Variants in KCNE3 observed in about 807,000 individuals in gnomAD.
The protein encoded by KCNE3 is potassium voltage-gated channel subfamily E regulatory subunit 3, also known as potassium voltage-gated channel subfamily E member 3.
KCNE3 carries 2 observed loss-of-function variants against 4.3 expected under a neutral mutation model. That is an observed-to-expected ratio of 0.47 (90% CI 0.19 to 1.48). KCNE3 has a LOEUF of 1.48. Among genes scored for constraint, KCNE3 ranks in the 40% most tolerant of loss-of-function variants. The pLI, the probability that KCNE3 is intolerant of heterozygous loss-of-function variation, is 0.25. For synonymous variants in KCNE3, 47 were observed against 52.0 expected (o/e 0.90, Z 0.41); for missense variants, 128 against 136.8 (o/e 0.94, Z 0.32).
intron 1 of KCNE3, among the ~76,000 whole-genome samples, chr11:74,464,975 C>A (rs921428796): frequency 1.3e-5 from 2 of 152,232 alleles, no homozygotes; most frequent in Non-Finnish European, 2.9e-5. Context: ...AACTCCAATT[C>A]ATCTCTGCAG....
At chr11:74,457,679 G>C in intron 2 of KCNE3, 76 bp from the exon 3 acceptor site, 3 of 951,110 alleles carry the variant, frequency 3.2e-6, no homozygotes, top group Non-Finnish European at 5.1e-6. Flanking sequence ...TCAGATCCCA[G>C]GTAAAATCTT....
In KCNE3 at chr11:74,455,106, T is replaced by C. The variant is rs1045277981; in HGVS notation, c.*2146A>G. The C allele has an allele frequency of 6.6e-6, 1 of 152,248 alleles. No homozygotes were observed. The highest frequency in any genetic ancestry group is 2.4e-5 in the African/African-American group (1 of 41,478). The allele number at this position is 152,248 out of a possible 1,614,324, so 9.4% of individuals were successfully genotyped here. On this transcript the variant is annotated 3_prime_UTR_variant, in exon 3 of 3. Transcript: ENST00000310128. ...GGCTTTTATTTTTATTTTTTCAAAA[T>C]AGAAGTACCTTTTTTCCTTTTATTA... is the stretch of plus-strand genomic sequence containing the variant.
intron 2 of KCNE3, among the ~76,000 whole-genome samples, chr11:74,460,906 G>A (rs1863937910): frequency 6.6e-6 from 1 of 152,172 alleles, no homozygotes; most frequent in Non-Finnish European, 1.5e-5. Context: ...AAATAGTTTA[G>A]TGTAAGATGC....
intron 1 of KCNE3, chr11:74,464,321 A>G (rs996810492): frequency 6.6e-6 from 1 of 152,180 alleles, no homozygotes; most frequent in African/African-American, 2.4e-5. Context: ...GAGCGTCTTC[A>G]GTGTCTGGAA....
At chr11:74,465,482 C>T (rs1864041248) in intron 1 of KCNE3, among the ~76,000 whole-genome samples, 1 of 152,082 alleles carries the variant, frequency 6.6e-6, no homozygotes, top group Non-Finnish European at 1.5e-5. Context: ...GCACCTGGAC[C>T]CCATTCAATC....
intron 2 of KCNE3, 28 bp from the exon 3 acceptor site, chr11:74,457,631 A>T (rs746423099): frequency 5.6e-6 from 8 of 1,436,514 alleles, no homozygotes; most frequent in Admixed American, 5.0e-5. Flanking sequence ...GAGAGAGGGG[A>T]TGGCTCTGTC....
In KCNE3 at chr11:74,460,780, T is replaced by C. The variant is rs569676999; in HGVS notation, c.-41+1175A>G. The stretch of plus-strand genomic sequence containing the variant: ...CTGTAGCTAGGGAAAAGCCATGGAA[T>C]GGTATCTTAAAAGAAGATAAAATGG... On this transcript the variant is annotated intron_variant, in intron 2 of 2. Transcript: ENST00000310128. Among the ~76,000 whole-genome samples, 3 of 152,268 alleles carry C rather than the reference T, an allele frequency of 2.0e-5. No homozygotes were observed. The South Asian group carries it at 6.2e-4, about 32-fold the overall frequency.
intron 2 of KCNE3, among the ~76,000 whole-genome samples, chr11:74,458,693 C>T (rs760838684): frequency 1.8e-4 from 27 of 151,954 alleles, no homozygotes; most frequent in Non-Finnish European, 2.8e-4. Context: ...ATTAGCTGGG[C>T]GTGGTGGTGA....
In KCNE3 at chr11:74,455,004, G is replaced by A. The variant is rs977458049; in HGVS notation, c.*2248C>T. On this transcript the variant is annotated 3_prime_UTR_variant, in exon 3 of 3. Coordinates refer to ENST00000310128, the MANE Select transcript of KCNE3 (RefSeq NM_005472.5). The stretch of plus-strand genomic sequence containing the variant: ...GGAAGGGCTTGAGCAACAGGGCTCA[G>A]CACAGGTTTGCAGAGCATCAACATA... The A allele has an allele frequency of 2.0e-5, 3 of 152,242 alleles. No homozygotes were observed. The highest frequency in any genetic ancestry group is 2.0e-4 in the Admixed American group (3 of 15,284). The allele number at this position is 152,242 out of a possible 1,614,324, so 9.4% of individuals were successfully genotyped here.
Position 74,455,612 on chromosome 11 carries a change from C to A in KCNE3, c.*1640G>T, listed in dbSNP as rs1449783448. 6.6e-6 allele frequency: 1 copy of A among 152,162 alleles called. No homozygotes were observed. The highest frequency in any genetic ancestry group is 2.4e-5 in the African/African-American group (1 of 41,444). 9.4% of individuals were successfully genotyped at this position (152,162 alleles called of 1,614,324 possible). The stretch of plus-strand genomic sequence containing the variant: ...GTGTCCAGCCTAAGATCATACATCA[C>A]CTTAAGTGGTAGAATCAGGGCTGCT... On this transcript the variant is annotated 3_prime_UTR_variant, in exon 3 of 3. Transcript: ENST00000310128.
At chr11:74,460,105 A>C (rs988519257) in intron 2 of KCNE3, among the ~76,000 whole-genome samples, 10 of 152,214 alleles carry the variant, frequency 6.6e-5, no homozygotes, top group African/African-American at 2.4e-4. Flanking sequence ...CTATGAACAC[A>C]ATCAGCCAGG....
intron 2 of KCNE3, among the ~76,000 whole-genome samples, chr11:74,459,348 G>A (rs564880879): frequency 2.9e-5 from 4 of 136,800 alleles, no homozygotes; most frequent in Admixed American, 8.7e-5. Context: ...TGCAAGTTCC[G>A]CCTCCTGGGT....
intron 1 of KCNE3, among the ~76,000 whole-genome samples, chr11:74,464,608 A>C (rs1864022016): frequency 6.6e-6 from 1 of 152,200 alleles, no homozygotes; most frequent in African/African-American, 2.4e-5. Context: ...CCTCCTCCCC[A>C]AGGGAATCAC....
At chr11:74,466,690 G>C (rs556682806) in intron 1 of KCNE3, among the ~76,000 whole-genome samples, 11 of 152,180 alleles carry the variant, frequency 7.2e-5, no homozygotes, top group Non-Finnish European at 1.6e-4. Context: ...AAGAGACTCT[G>C]AGGTCCAATC....
intron 2 of KCNE3, among the ~76,000 whole-genome samples, chr11:74,461,292 T>TTTTGTG (rs1491211719): frequency 4.0e-5 from 6 of 148,376 alleles, no homozygotes; most frequent in African/African-American, 1.3e-4. Context: ...TTTTTATGTT[T>TTTTGTG]TGTGTGTGTG....
Position 74,457,325 on chromosome 11 carries a change from G to A in KCNE3, c.239C>T (p.Thr80Ile). 6.2e-7 allele frequency: 1 copy of A among 1,614,216 alleles called. No individual in the cohort carries two copies. The highest frequency in any genetic ancestry group is 8.5e-7 in the Non-Finnish European group (1 of 1,180,034). Residue 80 changes from threonine to isoleucine, a missense_variant, in exon 3 of 3, where the codon ACC becomes ATC. Physicochemically the swap from Thr to Ile is moderately conservative, Grantham distance 89. Coordinates refer to ENST00000310128, the MANE Select transcript of KCNE3 (RefSeq NM_005472.5). Reference protein sequence around the residue: ...VTVGSLILGYTRSRKVDKRSD... With the variant: ...VTVGSLILGYIRSRKVDKRSD... The stretch of plus-strand genomic sequence containing the variant: ...ACGCTTGTCCACTTTGCGGGAGCGG[G>A]TGTATCCCAGGATGAGGCTGCCCAC...
intron 2 of KCNE3, among the ~76,000 whole-genome samples, chr11:74,460,504 C>A (rs563194030): frequency 5.9e-5 from 9 of 152,174 alleles, no homozygotes; most frequent in Admixed American, 5.2e-4. Context: ...CTGATCAGGG[C>A]TCAGAGAGTG....
rs1007455785 is a variant in KCNE3 at position 74,455,854 on chromosome 11, A to T, written c.*1398T>A. 6.6e-6 allele frequency: 1 copy of T among 151,704 alleles called. No individual in the cohort carries two copies. Among genetic ancestry groups the T allele is most frequent in the Non-Finnish European group, 1.5e-5 (1 of 67,936 alleles). The allele number at this position is 151,704 out of a possible 1,614,324, so 9.4% of individuals were successfully genotyped here. A position where few individuals can be genotyped will look rare whatever the true frequency, so the allele number is the denominator to read the frequency against. Reference sequence around the variant, plus strand: ...ACAATTCTCCTGCCTCAGCCTCCCAAGTAGCTGGGAATACGGGCACCCGCC... The same window carrying T: ...ACAATTCTCCTGCCTCAGCCTCCCATGTAGCTGGGAATACGGGCACCCGCC... On this transcript the variant is annotated 3_prime_UTR_variant, in exon 3 of 3. Transcript: ENST00000310128.
At chr11:74,466,911 G>A (rs1864068611) in intron 1 of KCNE3, among the ~76,000 whole-genome samples, 1 of 152,220 alleles carries the variant, frequency 6.6e-6, no homozygotes, top group Non-Finnish European at 1.5e-5. Context: ...GAGTCACCAG[G>A]TTTCCCGGGA....
Sources: gnomAD v4.1 joint callset for allele counts (sites outside exome capture counted in the v4.1 genomes callset) on GRCh38, gnomAD v4.1.1 for gene constraint, MANE v1.5 for transcripts, NCBI Gene and HGNC (gene_info 2026-07-23, HGNC 2026-07-21) for gene names.